Variants in CDH18 observed in about 807,000 individuals in gnomAD.
The protein encoded by CDH18 is cadherin 18, also known as cadherin-18.
In CDH18, 31 loss-of-function variants were observed where a neutral mutation model predicts 67.9. The ratio of observed to expected loss-of-function variants is 0.46; its 90% CI spans 0.34 to 0.62. CDH18 has a LOEUF of 0.62. CDH18 is among the 20% of genes least tolerant of loss of function. The probability of loss-of-function intolerance (pLI) is 0.01; values close to 1 mark genes in which losing one functional copy is unlikely to be tolerated. For missense variants in CDH18, 890 were observed against 975.5 expected, an observed-to-expected ratio of 0.91 and a Z score of 1.17; for synonymous variants, 362 against 347.2, an observed-to-expected ratio of 1.04 and a Z score of -0.48.
At chr5:20,229,425 G>A (rs1741892834) in intron 2 of CDH18, among the ~76,000 whole-genome samples, 2 of 152,040 alleles carry the variant, frequency 1.3e-5, no homozygotes, top group Admixed American at 1.3e-4. Context: ...TAGCACATTG[G>A]AAAATGTGCT....
rs1254906038 is a variant in CDH18 at position 19,721,484 on chromosome 5, C to G, written c.524-18G>C. ...AGAGGTACCTGTGCATTCAGGAAAA[C>G]AAATTTTAGTGTGTGATGGCATTTA... is the stretch of plus-strand genomic sequence containing the variant. On this transcript the variant is annotated intron_variant, in intron 4 of 12. Transcript: ENST00000382275. The G allele has an allele frequency of 3.1e-6, 5 of 1,599,048 alleles. No homozygotes were observed. The highest frequency in any genetic ancestry group is 4.3e-6 in the Non-Finnish European group (5 of 1,171,400).
At chr5:20,164,518 G>C (rs563314246) in intron 2 of CDH18, among the ~76,000 whole-genome samples, 1 of 103,862 alleles carries the variant, frequency 9.6e-6, no homozygotes, top group African/African-American at 3.3e-5. Flanking sequence ...CAGGTGATCC[G>C]TCCAGGTCGG....
intron 1 of CDH18, among the ~76,000 whole-genome samples, chr5:20,379,881 T>C (rs1276056146): frequency 1.3e-5 from 2 of 151,884 alleles, no homozygotes; most frequent in Non-Finnish European, 2.9e-5. Context: ...CAGCCCTAGG[T>C]TGTGACCCCA....
intron 2 of CDH18, among the ~76,000 whole-genome samples, chr5:19,950,036 AT>A (rs1380066042): frequency 1.3e-5 from 2 of 151,190 alleles, no homozygotes; most frequent in Non-Finnish European, 1.5e-5. Context: ...TAAATATCAC[AT>A]TGAATAAATA....
At chr5:19,731,327 T>C (rs919036019) in intron 4 of CDH18, among the ~76,000 whole-genome samples, 1 of 152,050 alleles carries the variant, frequency 6.6e-6, no homozygotes, top group African/African-American at 2.4e-5. Flanking sequence ...GGCGGGCGCC[T>C]GTAGCCCCAG....
chr5:19,499,285 C>T (rs1290755189), intron 11 of CDH18, among the ~76,000 whole-genome samples: 1 of 152,138 alleles, frequency 6.6e-6, no homozygotes, highest in Non-Finnish European at 1.5e-5. Flanking sequence ...TCTGATCCCA[C>T]TTCTTTTCTA....
At chr5:19,798,175 C>A (rs951282699) in intron 3 of CDH18, among the ~76,000 whole-genome samples, 2 of 151,862 alleles carry the variant, frequency 1.3e-5, no homozygotes, top group African/African-American at 4.8e-5. Context: ...CAATTTAATA[C>A]CCACATATAC....
intron 2 of CDH18, among the ~76,000 whole-genome samples, chr5:19,843,055 A>G (rs1581604777): frequency 6.6e-6 from 1 of 152,338 alleles, no homozygotes; most frequent in East Asian, 1.9e-4. Context: ...GATAGAAAAG[A>G]AAAACTAATT....
intron 3 of CDH18, among the ~76,000 whole-genome samples, chr5:19,807,892 C>A (rs992025193): frequency 1.2e-4 from 19 of 152,026 alleles, no homozygotes; most frequent in Non-Finnish European, 2.6e-4. Flanking sequence ...TAATGTTAAC[C>A]TTTCCCAATC....
intron 2 of CDH18, among the ~76,000 whole-genome samples, chr5:20,056,284 A>C (rs1411538419): frequency 1.3e-5 from 2 of 149,044 alleles, no homozygotes; most frequent in African/African-American, 4.9e-5. Context: ...GATTACAGGC[A>C]TGAGCCACCA....
chr5:20,268,547 G>A (rs984760011), intron 1 of CDH18, among the ~76,000 whole-genome samples: 3 of 152,070 alleles, frequency 2.0e-5, no homozygotes, highest in African/African-American at 7.2e-5. Flanking sequence ...ACCAGCCTAG[G>A]AAACACAGAA....
intron 1 of CDH18, among the ~76,000 whole-genome samples, chr5:20,398,782 T>C (rs1231037537): frequency 6.6e-6 from 1 of 150,896 alleles, no homozygotes; most frequent in Non-Finnish European, 1.5e-5. Context: ...TATACCTACG[T>C]AGAAAACCAC....
rs540007888 is a variant in CDH18 at position 20,083,647 on chromosome 5, T to C, written c.-517-91633A>G. On this transcript the variant is annotated intron_variant, in intron 2 of 14. Transcript: ENST00000507958. Reference sequence around the variant, plus strand: ...TTCACACTGCTGATAAAGACATGCCTGTGACTGGGCAATTTACAAAAGAAA... The same window carrying C: ...TTCACACTGCTGATAAAGACATGCCCGTGACTGGGCAATTTACAAAAGAAA... Among the ~76,000 whole-genome samples the C allele has an allele frequency of 5.9e-5, 9 of 152,274 alleles. No homozygotes were observed. In the East Asian group the frequency reaches 1.5e-3, roughly 26 times the overall value.
intron 2 of CDH18, among the ~76,000 whole-genome samples, chr5:20,081,158 T>TG (rs1448482638): frequency 3.8e-3 from 2 of 520 alleles, no homozygotes; most frequent in African/African-American, 4.7e-3. Context: ...TATCTTTTCC[T>TG]ATTTTGGTAA....
intron 2 of CDH18, among the ~76,000 whole-genome samples, chr5:20,234,459 T>C (rs1444750896): frequency 2.6e-5 from 4 of 152,236 alleles, no homozygotes; most frequent in African/African-American, 9.6e-5. Flanking sequence ...ATGTGATTGA[T>C]GCTTTTATAT....
intron 1 of CDH18, among the ~76,000 whole-genome samples, chr5:20,407,918 T>G (rs754440158): frequency 6.6e-6 from 1 of 151,950 alleles, no homozygotes; most frequent in Non-Finnish European, 1.5e-5. Context: ...AAAGACTCTC[T>G]CTGCCTCAAT....
At chr5:20,347,278 G>A (rs900403503) in intron 1 of CDH18, among the ~76,000 whole-genome samples, 2 of 152,120 alleles carry the variant, frequency 1.3e-5, no homozygotes, top group South Asian at 2.1e-4. Context: ...CACCCCACAT[G>A]GACAAGTCCT....
At chr5:20,167,916 C>A (rs190287095) in intron 2 of CDH18, among the ~76,000 whole-genome samples, 162 of 152,246 alleles carry the variant, frequency 1.1e-3, no homozygotes, top group African/African-American at 3.7e-3. Flanking sequence ...GTAGTCCATG[C>A]GGGTTAGCTT....
At chr5:20,464,292 T>C (rs1751480866) in intron 1 of CDH18, among the ~76,000 whole-genome samples, 1 of 152,314 alleles carries the variant, frequency 6.6e-6, no homozygotes, top group South Asian at 2.1e-4. Flanking sequence ...ACATTAAATG[T>C]ATTTGCAAAT....
Sources: gnomAD v4.1 joint callset for allele counts (sites outside exome capture counted in the v4.1 genomes callset) on GRCh38, gnomAD v4.1.1 for gene constraint, MANE v1.5 for transcripts, NCBI Gene and HGNC (gene_info 2026-07-23, HGNC 2026-07-21) for gene names.